Variants in SLC36A1 observed in about 807,000 individuals in gnomAD.
SLC36A1 encodes the protein solute carrier family 36 member 1.
SLC36A1 carries 30 observed loss-of-function variants against 47.5 expected under a neutral mutation model. The ratio of observed to expected loss-of-function variants is 0.63; its 90% CI spans 0.47 to 0.86. The LOEUF (loss-of-function observed/expected upper bound fraction) is 0.86. Ranked by LOEUF, SLC36A1 falls within the 40% of genes least tolerant of loss-of-function variation. SLC36A1 has a pLI of 0.00. For missense variants in SLC36A1, 517 were observed against 606.0 expected (o/e 0.85, Z 1.54); for synonymous variants, 255 against 249.7 (o/e 1.02, Z -0.20).
At chr5:151,482,249 T>C (rs565057535) in intron 10 of SLC36A1, among the ~76,000 whole-genome samples, 49 of 152,158 alleles carry the variant, frequency 3.2e-4, no homozygotes, top group African/African-American at 1.1e-3. Context: ...GCAGCATCAT[T>C]AATTAGCTGT....
chr5:151,410,453 A>G, the SLC36A1 span, among the ~76,000 whole-genome samples: 1 of 144,868 alleles, frequency 6.9e-6, no homozygotes. Flanking sequence ...TGTATTGTTT[A>G]TGATATCAAT....
chr5:151,447,109 T>C (rs898922535), upstream of SLC36A1, among the ~76,000 whole-genome samples: 1 of 152,224 alleles, frequency 6.6e-6, no homozygotes, highest in African/African-American at 2.4e-5. Context: ...AGGAGAAGCC[T>C]AGATAATACA....
the SLC36A1 span, chr5:151,366,284 A>T: frequency 5.0e-5 from 8 of 160,336 alleles, no homozygotes; most frequent in Non-Finnish European, 6.8e-5. Context: ...TGGTGGCCCC[A>T]TATAAATATA....
In SLC36A1 at chr5:151,467,750, A is replaced by G. The variant is rs1273974135; in HGVS notation, c.548A>G (p.Asn183Ser). The G allele has an allele frequency of 2.5e-6, 4 of 1,613,266 alleles. No homozygotes were observed. The highest frequency in any genetic ancestry group is 3.4e-6 in the Non-Finnish European group (4 of 1,179,976). The change falls in exon 7 of 11, where the codon AAT becomes AGT. Residue 183 changes from asparagine to serine, a missense_variant. Transcript: ENST00000243389. ...ANGTTNNCHN[N>S]ETVILTPTMD... ...GGGACCACCAATAACTGCCACAACA[A>G]TGAGACGGTGATTCTGACGCCTACC...
At chr5:151,486,482 T>C (rs1759566732) in intron 10 of SLC36A1, among the ~76,000 whole-genome samples, 1 of 152,236 alleles carries the variant, frequency 6.6e-6, no homozygotes, top group Admixed American at 6.5e-5. Context: ...ACTTTAGACA[T>C]TTCAGTTTAA....
chr5:151,517,237 T>A, the SLC36A1 span, among the ~76,000 whole-genome samples: 20 of 152,374 alleles, frequency 1.3e-4, no homozygotes, highest in Admixed American at 2.0e-4. Flanking sequence ...AGGAAATTTA[T>A]TTTTCTTCCA....
At chr5:151,505,124 G>A in the SLC36A1 span, 2 of 262,202 alleles carry the variant, frequency 7.6e-6, no homozygotes, top group East Asian at 1.3e-4. Flanking sequence ...TGTACGGCCC[G>A]CGTAGTGGTT....
At chr5:151,522,078 G>A in the SLC36A1 span, 1 of 1,587,164 alleles carries the variant, frequency 6.3e-7, no homozygotes, top group Non-Finnish European at 8.6e-7. Context: ...GGATGCCACT[G>A]TCTGACGCCT....
the SLC36A1 span, among the ~76,000 whole-genome samples, chr5:151,386,878 C>A: frequency 1.3e-5 from 2 of 152,298 alleles, no homozygotes; most frequent in South Asian, 4.1e-4. Context: ...GAGTTATATT[C>A]TGTTGTTTGC....
At chr5:151,345,967 A>T in the SLC36A1 span, among the ~76,000 whole-genome samples, 2 of 152,156 alleles carry the variant, frequency 1.3e-5, no homozygotes, top group Non-Finnish European at 2.9e-5. Flanking sequence ...AAGTTCCAGC[A>T]TTTGCTCTAG....
chr5:151,393,846 C>A, the SLC36A1 span, among the ~76,000 whole-genome samples: 1 of 152,130 alleles, frequency 6.6e-6, no homozygotes, highest in African/African-American at 2.4e-5. Flanking sequence ...TTTTTTCCTT[C>A]ATTTCAACTT....
At chr5:151,409,648 GA>G in the SLC36A1 span, among the ~76,000 whole-genome samples, 1 of 152,144 alleles carries the variant, frequency 6.6e-6, no homozygotes, top group Non-Finnish European at 1.5e-5. Flanking sequence ...CCCCACCCTG[GA>G]CCTCCTGACT....
chr5:151,379,104 G>C, the SLC36A1 span, among the ~76,000 whole-genome samples: 1 of 152,232 alleles, frequency 6.6e-6, no homozygotes, highest in African/African-American at 2.4e-5. Flanking sequence ...AATGGGGAGA[G>C]AAGCCCAGGC....
the SLC36A1 span, chr5:151,544,949 T>A: frequency 1.9e-6 from 3 of 1,614,200 alleles, no homozygotes; most frequent in Non-Finnish European, 2.5e-6. Flanking sequence ...ACATCCTCAA[T>A]AGAGACTCTG....
chr5:151,496,061 G>A (rs1250892778), downstream of SLC36A1, among the ~76,000 whole-genome samples: 2 of 152,180 alleles, frequency 1.3e-5, no homozygotes, highest in African/African-American at 4.8e-5. Context: ...TGGTGATATG[G>A]TTTGACTCAG....
chr5:151,534,968 AAAATATATATAT>A, the SLC36A1 span, among the ~76,000 whole-genome samples: 18 of 52,722 alleles, frequency 3.4e-4, no homozygotes, highest in Admixed American at 1.4e-3. Flanking sequence ...CACTTCTAGG[AAAATATATATAT>A]ATATATATAT....
the SLC36A1 span, among the ~76,000 whole-genome samples, chr5:151,413,791 T>C: frequency 6.6e-6 from 1 of 152,072 alleles, no homozygotes; most frequent in African/African-American, 2.4e-5. Context: ...AAAATGAATA[T>C]AAAAGATGCA....
the SLC36A1 span, among the ~76,000 whole-genome samples, chr5:151,408,818 C>T: frequency 3.2e-3 from 494 of 152,238 alleles, 2 homozygotes; most frequent in African/African-American, 0.011. Context: ...TAAAAATCCA[C>T]TTGCAAACAG....
chr5:151,381,321 A>C, the SLC36A1 span: 32 of 192,722 alleles, frequency 1.7e-4, no homozygotes, highest in African/African-American at 2.4e-4. Context: ...AAGTACTGAA[A>C]CCGCCTTTGT....
Sources: gnomAD v4.1 joint callset for allele counts (sites outside exome capture counted in the v4.1 genomes callset) on GRCh38, gnomAD v4.1.1 for gene constraint, MANE v1.5 for transcripts, NCBI Gene and HGNC (gene_info 2026-07-23, HGNC 2026-07-21) for gene names.